The following SPTBN2 variants were observed in gnomAD, a reference collection of about 807,000 sequenced individuals.
The protein encoded by SPTBN2 is spectrin beta chain, non-erythrocytic 2.
A neutral mutation model predicts 284.2 loss-of-function variants in SPTBN2; 107 were observed. The ratio of observed to expected loss-of-function variants is 0.38; its 90% CI spans 0.32 to 0.44. The LOEUF is 0.44. Ranked by LOEUF, SPTBN2 falls within the 20% of genes least tolerant of loss-of-function variation. SPTBN2 has a pLI of 1.00. For missense variants in SPTBN2, 2,569 were observed against 3,287.1 expected (o/e 0.78, Z 5.34); for synonymous variants, 1,289 against 1,354.8 (o/e 0.95, Z 1.07).
rs1434971520 is a variant in SPTBN2, at chr11:66,692,732, A to G, written c.4994T>C (p.Ile1665Thr). Residue 1665 changes from isoleucine (I) to threonine (T), a missense_variant, in exon 26 of 38, where the codon ATA becomes ACA. Ile to Thr is a moderately conservative substitution (Grantham distance 89). Coordinates refer to ENST00000533211, the MANE Select transcript of SPTBN2 (RefSeq NM_006946.4). ...GTCCACCTGGGCTTGGCGGATGGAT[A>G]TCCGAGTGCTGCAAGAAGAGTGAGG... is the stretch of plus-strand genomic sequence containing the variant. ...IDHEHPESTRISIRQAQVDKL... is the reference protein window; with the variant it reads ...IDHEHPESTRTSIRQAQVDKL... 1.2e-6 allele frequency: 2 copies of G among 1,601,780 alleles called. No homozygotes were observed. Among genetic ancestry groups the G allele is most frequent in the Non-Finnish European group, 1.7e-6 (2 of 1,179,926 alleles).
Position 66,707,971 on chromosome 11 carries a change from C to A in SPTBN2, c.1351-153G>T, listed in dbSNP as rs887037762. Among the ~76,000 whole-genome samples, 10 of 152,206 alleles carry A rather than the reference C, an allele frequency of 6.6e-5. No homozygotes were observed. The highest frequency in any genetic ancestry group is 1.3e-4 in the Non-Finnish European group (9 of 68,042). Reference sequence around the variant, plus strand: ...TCCCACCCCCATCCTGTCTCACCAACCCTCTCTCCTGTCCCACCCTCTGGC... The same window carrying A: ...TCCCACCCCCATCCTGTCTCACCAAACCTCTCTCCTGTCCCACCCTCTGGC... On this transcript the variant is annotated intron_variant, in intron 12 of 37. Coordinates refer to ENST00000533211, the MANE Select transcript of SPTBN2 (RefSeq NM_006946.4). This position sits in a 1 kb window ranked among gnomAD's most constrained non-coding sequence, Gnocchi z 4.9.
chr11:66,702,095 T>C (rs963944112), intron 15 of SPTBN2, among the ~76,000 whole-genome samples: 11 of 152,208 alleles, frequency 7.2e-5, no homozygotes, highest in African/African-American at 2.7e-4. Flanking sequence ...TAATATGTGT[T>C]AGAAAATGAA....
In SPTBN2 at chr11:66,687,515, C is replaced by A. The variant is rs750296138; in HGVS notation, c.6634G>T (p.Gly2212Cys). ...SAHAATLPPR[G>C]PEPSAQEQME... is the part of the protein sequence containing the mutation. ...TGCTCCTGGGCAGATGGCTCTGGGC[C>A]TCGAGGCGGCAGGGTGGCAGCATGG... is the stretch of plus-strand genomic sequence containing the variant. Residue 2212 changes from glycine (G) to cysteine (C), a missense_variant, in exon 35 of 38, where the codon GGC becomes TGC. Gly to Cys is a radical substitution (Grantham distance 159). Coordinates refer to ENST00000533211, the MANE Select transcript of SPTBN2 (RefSeq NM_006946.4). This position sits in a 1 kb window ranked among gnomAD's most constrained non-coding sequence, Gnocchi z 5.2. 6.2e-7 allele frequency: 1 copy of A among 1,612,020 alleles called. No individual in the cohort carries two copies. The highest frequency in any genetic ancestry group is 8.5e-7 in the Non-Finnish European group (1 of 1,180,008).
In SPTBN2 at chr11:66,692,966, C is replaced by T. The variant is rs1353299117; in HGVS notation, c.4985+4G>A. The T allele has an allele frequency of 6.2e-7, 1 of 1,604,032 alleles. No homozygotes were observed. Among genetic ancestry groups the T allele is most frequent in the Non-Finnish European group, 8.5e-7 (1 of 1,179,936 alleles). ...AGGCTGGGCCGGGCTGCCGCTGCAC[C>T]CACCTCTCTGGGTGCTCGTGGTCAA... On this transcript the variant is annotated splice_donor_region_variant and intron_variant, in intron 25 of 37. Coordinates refer to ENST00000533211, the MANE Select transcript of SPTBN2 (RefSeq NM_006946.4).
chr11:66,692,685 C>T lies in SPTBN2; in HGVS notation c.5041G>A (p.Glu1681Lys), dbSNP rs780229722. Residue 1681 changes from glutamate (E) to lysine (K), a missense_variant, in exon 26 of 38, where the codon GAG (glutamate) becomes AAG (lysine). Glu to Lys is a moderately conservative substitution (Grantham distance 56). This residue lies in a region of SPTBN2 where 1,130 missense variants were observed against 1,317.3 expected (regional missense o/e 0.86). Transcript: ENST00000533211. ...CGCTCCCGCCGCTCTCCAGCCAGCTCCTTCAGGCCGGCATACAGCTTGTCC... is the reference window on the plus strand; with the variant it reads ...CGCTCCCGCCGCTCTCCAGCCAGCTTCTTCAGGCCGGCATACAGCTTGTCC... ...QVDKLYAGLK[E>K]LAGERRERLQ... is the part of the protein sequence containing the mutation. 3 of 1,604,924 alleles carry T rather than the reference C, an allele frequency of 1.9e-6. No homozygotes were observed. The highest frequency in any genetic ancestry group is 2.5e-6 in the Non-Finnish European group (3 of 1,179,956).
upstream of SPTBN2, among the ~76,000 whole-genome samples, chr11:66,732,393 T>C (rs1378457633): frequency 6.6e-6 from 1 of 152,192 alleles, no homozygotes; most frequent in Non-Finnish European, 1.5e-5. Context: ...CACGACTTTG[T>C]AATCCCAGCA....
intron 18 of SPTBN2, 145 bp downstream of exon 18, chr11:66,699,261 C>T: frequency 7.9e-7 from 1 of 1,266,928 alleles, no homozygotes; most frequent in Non-Finnish European, 1.1e-6. Context: ...TCCCAGCCCT[C>T]TCCAACCACT....
At chr11:66,692,865 A>G in intron 25 of SPTBN2, 105 bp downstream of exon 25, 2 of 1,595,416 alleles carry the variant, frequency 1.3e-6, no homozygotes, top group African/African-American at 1.3e-5. Context: ...CCAGCTTTCT[A>G]GAAGGCTCCG....
At chr11:66,736,160 G>C (rs1331322970) in intron 1 of SPTBN2, among the ~76,000 whole-genome samples, 2 of 152,146 alleles carry the variant, frequency 1.3e-5, no homozygotes, top group African/African-American at 2.4e-5. Context: ...TGGAGGTGGG[G>C]TACAGAGGAC....
rs555843012 is a variant in SPTBN2 at position 66,685,908 on chromosome 11, C to T, written c.7136G>A (p.Arg2379Gln). The change falls in exon 38 of 38, where the codon CGA becomes CAA. Residue 2379 changes from arginine to glutamine, a missense_variant. Around this residue, in one of 6 missense-constraint regions of SPTBN2, gnomAD observed 1,130 missense variants for 1,317.3 expected, o/e 0.86. Coordinates refer to ENST00000533211, the MANE Select transcript of SPTBN2 (RefSeq NM_006946.4). The surrounding 1 kb of genome is among the most constrained non-coding windows in gnomAD (Gnocchi z 4.4). ...CTTAAAGAAGCTGAAGCGTTTTTCTCGCTCTCGTTCTCTGCCGTCTTTGCT... is the reference window on the plus strand; with the variant it reads ...CTTAAAGAAGCTGAAGCGTTTTTCTTGCTCTCGTTCTCTGCCGTCTTTGCT... Reference protein sequence around the residue: ...LRSKDGREREREKRFSFFKKN... With the variant: ...LRSKDGREREQEKRFSFFKKN... The T allele has an allele frequency of 6.2e-6, 10 of 1,613,924 alleles. No homozygotes were observed. Among genetic ancestry groups the T allele is most frequent in the Admixed American group, 1.7e-5 (1 of 60,028 alleles).
rs954723855 is a variant in SPTBN2, at chr11:66,694,006, C to G, written c.4503+133G>C. 9.0e-6 allele frequency: 12 copies of G among 1,340,190 alleles called. No individual in the cohort carries two copies. In the Admixed American group the frequency reaches 1.1e-4, roughly 13 times the overall value. 83.0% of individuals were successfully genotyped at this position (1,340,190 alleles called of 1,614,324 possible). On this transcript the variant is annotated intron_variant, in intron 22 of 37. Coordinates refer to ENST00000533211, the MANE Select transcript of SPTBN2 (RefSeq NM_006946.4). ...GTTCTGGGAGGCATCTCCAAGTCTC[C>G]CTATAGGGGAGATGGTCAATGCCAA... is the stretch of plus-strand genomic sequence containing the variant.
chr11:66,689,486 A>T, intron 29 of SPTBN2: 1 of 534,020 alleles, frequency 1.9e-6, no homozygotes, highest in Non-Finnish European at 3.4e-6. Flanking sequence ...GTTTCATCAC[A>T]GCCCAGCCAC....
At position 66,708,259 on chromosome 11, in the gene SPTBN2, A is replaced by G; in HGVS notation, c.1232T>C (p.Leu411Pro). The change falls in exon 12 of 38, where the codon CTG becomes CCG. Residue 411 changes from leucine (L) to proline (P), a missense_variant. Transcript: ENST00000533211. This position sits in a 1 kb window ranked among gnomAD's most constrained non-coding sequence, Gnocchi z 4.4. ...GCGGATGAGCTCGGTGCGCAGGGCC[A>G]GCTCACGCTCGTGCTCCGCCTTCTC... ...RLEKAEHERE[L>P]ALRTELIRQE... The G allele has an allele frequency of 6.2e-7, 1 of 1,606,018 alleles. No individual in the cohort carries two copies. Among genetic ancestry groups the G allele is most frequent in the Non-Finnish European group, 8.5e-7 (1 of 1,174,788 alleles).
intron 26 of SPTBN2, among the ~76,000 whole-genome samples, chr11:66,692,207 C>A (rs1163359618): frequency 6.6e-6 from 1 of 152,030 alleles, no homozygotes; most frequent in Non-Finnish European, 1.5e-5. Flanking sequence ...AGTAGTTGGG[C>A]CTACAGGCAT....
Position 66,686,447 on chromosome 11 carries a change from GGAGA to G in SPTBN2, c.6897-11_6897-8del, listed in dbSNP as rs775218307. 4.3e-6 allele frequency: 7 copies of G among 1,613,922 alleles called. No homozygotes were observed. The highest frequency in any genetic ancestry group is 5.9e-6 in the Non-Finnish European group (7 of 1,179,852). On this transcript the variant is annotated splice_polypyrimidine_tract_variant and splice_region_variant and intron_variant, in intron 36 of 37. Coordinates refer to ENST00000533211, the MANE Select transcript of SPTBN2 (RefSeq NM_006946.4). Reference sequence around the variant, plus strand: ...TTCTTTTCCATCCTGTAAGCTGTTGGGAGAGAGAGGCCACAGGGCAGAGCTGAGA... The same window carrying G: ...TTCTTTTCCATCCTGTAAGCTGTTGGGAGAGGCCACAGGGCAGAGCTGAGA...
At chr11:66,688,914 C>T (rs1041657660) in intron 30 of SPTBN2, 65 bp from the exon 31 acceptor site, 18 of 1,585,986 alleles carry the variant, frequency 1.1e-5, no homozygotes, top group Admixed American at 3.4e-5. Context: ...GCACAGTGGC[C>T]ATGGCAACCT....
Position 66,700,437 on chromosome 11 carries a change from T to C in SPTBN2, c.3573+89A>G. ...ACTGCGCTGCCCCATTTTGCTAGCATGTCCTTCCTGCCCATCCTGCTCCTT... is the reference window on the plus strand; with the variant it reads ...ACTGCGCTGCCCCATTTTGCTAGCACGTCCTTCCTGCCCATCCTGCTCCTT... On this transcript the variant is annotated intron_variant, in intron 17 of 37. Transcript: ENST00000533211. This position sits in a 1 kb window ranked among gnomAD's most constrained non-coding sequence, Gnocchi z 6.6. 3 of 1,576,354 alleles carry C rather than the reference T, an allele frequency of 1.9e-6. No homozygotes were observed. The highest frequency in any genetic ancestry group is 2.6e-6 in the Non-Finnish European group (3 of 1,162,382).
intron 13 of SPTBN2, among the ~76,000 whole-genome samples, chr11:66,706,539 C>A (rs1162379040): frequency 1.3e-5 from 2 of 152,062 alleles, no homozygotes; most frequent in East Asian, 3.8e-4. Flanking sequence ...CCATGTTGGC[C>A]AGGCTGGTCT....
intron 3 of SPTBN2, among the ~76,000 whole-genome samples, 174 bp downstream of exon 3, chr11:66,720,910 T>C (rs1400315799): frequency 6.6e-6 from 1 of 152,074 alleles, no homozygotes; most frequent in Non-Finnish European, 1.5e-5. Context: ...AAGTTCTGAA[T>C]GGCCTGGAGC....
Sources: allele counts gnomAD v4.1 joint callset (sites outside exome capture counted in the v4.1 genomes callset), GRCh38; gene constraint gnomAD v4.1.1; regional missense constraint gnomAD v4.1.1; non-coding constraint Gnocchi (gnomAD v3.1); transcripts MANE v1.5; gene names NCBI Gene and HGNC (gene_info 2026-07-23, HGNC 2026-07-21).